DPP10: variants seen among roughly 807,000 people sequenced by gnomAD.
DPP10 encodes the protein inactive dipeptidyl peptidase 10.
In DPP10, 33 loss-of-function variants were observed where a neutral mutation model predicts 120.9. That is an observed-to-expected ratio of 0.27 (90% confidence interval 0.21 to 0.37). DPP10 has a LOEUF of 0.37. DPP10 is among the 10% of genes least tolerant of loss of function. The probability of loss-of-function intolerance (pLI) is 1.00; values close to 1 mark genes in which losing one functional copy is unlikely to be tolerated. For missense variants in DPP10, 816 were observed against 942.8 expected (o/e 0.87, Z 1.76); for synonymous variants, 337 against 326.1 (o/e 1.03, Z -0.36).
intron 1 of DPP10, among the ~76,000 whole-genome samples, chr2:114,550,672 G>A (rs937588009): frequency 2.0e-5 from 3 of 152,158 alleles, no homozygotes; most frequent in Admixed American, 1.3e-4. Flanking sequence ...TTCACCTCAA[G>A]TACCACACAG....
chr2:114,738,069 G>T (rs951447472), intron 1 of DPP10, among the ~76,000 whole-genome samples: 3 of 152,146 alleles, frequency 2.0e-5, no homozygotes, highest in Non-Finnish European at 4.4e-5. Context: ...GAGCAGGAGA[G>T]ATAAAAAGAG....
At chr2:115,787,270 GA>G (rs1683450398) in intron 17 of DPP10, among the ~76,000 whole-genome samples, 1 of 152,066 alleles carries the variant, frequency 6.6e-6, no homozygotes, top group Non-Finnish European at 1.5e-5. Flanking sequence ...TCATAAATAG[GA>G]GAAAGATTAG....
chr2:115,069,802 T>C (rs2105446746), intron 1 of DPP10, among the ~76,000 whole-genome samples: 1 of 151,972 alleles, frequency 6.6e-6, no homozygotes, highest in East Asian at 1.9e-4. Flanking sequence ...TTTTTTAATT[T>C]GGTGAGTGAG....
At chr2:115,009,378 A>T (rs997255242) in intron 1 of DPP10, among the ~76,000 whole-genome samples, 5 of 151,096 alleles carry the variant, frequency 3.3e-5, no homozygotes, top group Non-Finnish European at 7.4e-5. Flanking sequence ...GAATTGAACA[A>T]TGAGATCACA....
At chr2:114,594,196 GC>G (rs1404025461) in intron 1 of DPP10, among the ~76,000 whole-genome samples, 1 of 151,956 alleles carries the variant, frequency 6.6e-6, no homozygotes, top group Non-Finnish European at 1.5e-5. Context: ...GACTGTTCTA[GC>G]CTCCCAGCAT....
At chr2:115,458,726 T>C (rs1403444292) in intron 3 of DPP10, among the ~76,000 whole-genome samples, 1 of 152,160 alleles carries the variant, frequency 6.6e-6, no homozygotes, top group East Asian at 1.9e-4. Flanking sequence ...AACTCTGATA[T>C]AGAGGACTAG....
At chr2:115,634,004 A>G (rs1459507315) in intron 5 of DPP10, among the ~76,000 whole-genome samples, 1 of 151,366 alleles carries the variant, frequency 6.6e-6, no homozygotes, top group African/African-American at 2.4e-5. Flanking sequence ...TTTTTTCCTA[A>G]TCTTCTCTTC....
At chr2:114,461,777 G>A (rs1190550134) in intron 1 of DPP10, 1 of 985,246 alleles carries the variant, frequency 1.0e-6, no homozygotes, top group Non-Finnish European at 1.2e-6. Context: ...CCGTAAATTG[G>A]AGGATTAGAG....
At chr2:115,672,350 G>A (rs1354497757) in intron 5 of DPP10, among the ~76,000 whole-genome samples, 1 of 151,802 alleles carries the variant, frequency 6.6e-6, no homozygotes, top group Non-Finnish European at 1.5e-5. Flanking sequence ...GACCTAATCA[G>A]GTCATTTTGT....
At chr2:115,544,585 A>C (rs933860462) in intron 5 of DPP10, among the ~76,000 whole-genome samples, 4 of 151,982 alleles carry the variant, frequency 2.6e-5, no homozygotes, top group Admixed American at 2.0e-4. Flanking sequence ...TCCTACAACT[A>C]CTTAGTTAAG....
intron 21 of DPP10, among the ~76,000 whole-genome samples, chr2:115,835,455 AAGAG>A (rs141321713): frequency 4.6e-5 from 7 of 151,690 alleles, no homozygotes; most frequent in Admixed American, 1.3e-4. Context: ...GAGGGAGAGA[AAGAG>A]AGAGAGAGAG....
chr2:115,340,630 G>A (rs1232418511), intron 2 of DPP10, among the ~76,000 whole-genome samples: 1 of 151,650 alleles, frequency 6.6e-6, no homozygotes, highest in Non-Finnish European at 1.5e-5. Flanking sequence ...ATTTGGTGTG[G>A]TGGACTTACA....
At chr2:115,323,289 A>G (rs1167671662) in intron 2 of DPP10, among the ~76,000 whole-genome samples, 1 of 152,124 alleles carries the variant, frequency 6.6e-6, no homozygotes, top group African/African-American at 2.4e-5. Context: ...CATAAGAAAA[A>G]ACTCCTCGTT....
intron 1 of DPP10, among the ~76,000 whole-genome samples, chr2:114,746,368 G>A (rs1898131): frequency 7.9e-5 from 12 of 152,090 alleles, no homozygotes; most frequent in Non-Finnish European, 1.5e-4. Flanking sequence ...TAATTCACTC[G>A]TTCATTTGCT....
chr2:115,839,338 T>C (rs1317098672), intron 24 of DPP10, among the ~76,000 whole-genome samples: 2 of 152,144 alleles, frequency 1.3e-5, no homozygotes, highest in Non-Finnish European at 2.9e-5. Context: ...TAAAGAGGCT[T>C]AAACTATTGA....
chr2:114,816,583 ATTG>A (rs1685660221), intron 1 of DPP10, among the ~76,000 whole-genome samples: 1 of 152,032 alleles, frequency 6.6e-6, no homozygotes, highest in African/African-American at 2.4e-5. Context: ...GCTCCGTTTT[ATTG>A]TTTTCTTATT....
chr2:115,704,502 C>T (rs1484728181), intron 7 of DPP10, among the ~76,000 whole-genome samples: 1 of 151,900 alleles, frequency 6.6e-6, no homozygotes, highest in Non-Finnish European at 1.5e-5. Flanking sequence ...ATTTCTTCCT[C>T]CTCCTTTTTT....
chr2:114,988,320 G>A (rs1351355012), intron 1 of DPP10, among the ~76,000 whole-genome samples: 2 of 152,192 alleles, frequency 1.3e-5, no homozygotes, highest in African/African-American at 4.8e-5. Context: ...CCACACCTAT[G>A]TGGTATCAAA....
intron 1 of DPP10, among the ~76,000 whole-genome samples, chr2:115,175,193 A>G (rs1001127605): frequency 2.0e-5 from 3 of 152,324 alleles, no homozygotes; most frequent in African/African-American, 2.4e-5. Flanking sequence ...TGTGACTGTC[A>G]GTGCTCTGAA....
Sources: allele counts gnomAD v4.1 joint callset (sites outside exome capture counted in the v4.1 genomes callset), GRCh38; gene constraint gnomAD v4.1.1; transcripts MANE v1.5; gene names NCBI Gene and HGNC (gene_info 2026-07-23, HGNC 2026-07-21).